Variants in GPC6 observed in about 807,000 individuals in gnomAD.
GPC6 encodes the protein glypican 6, also known as glypican-6.
In GPC6, 14 loss-of-function variants were observed where a neutral mutation model predicts 55.2. The observed-to-expected ratio is 0.25, with a 90% CI of 0.17 to 0.40. The LOEUF (loss-of-function observed/expected upper bound fraction) is 0.40. Ranked by LOEUF, GPC6 falls within the 10% of genes least tolerant of loss-of-function variation. GPC6 has a pLI of 1.00. For missense variants in GPC6, 641 were observed against 708.5 expected, an observed-to-expected ratio of 0.90 and a Z score of 1.08; for synonymous variants, 278 against 259.6, an observed-to-expected ratio of 1.07 and a Z score of -0.68.
intron 4 of GPC6, among the ~76,000 whole-genome samples, chr13:94,178,847 A>T (rs562953851): frequency 6.6e-6 from 1 of 152,314 alleles, no homozygotes; most frequent in South Asian, 2.1e-4. Context: ...AGATGAGATG[A>T]TGAATCTAAA....
chr13:93,372,780 G>A (rs532718011), intron 1 of GPC6, among the ~76,000 whole-genome samples: 5 of 152,226 alleles, frequency 3.3e-5, no homozygotes, highest in African/African-American at 1.2e-4. Flanking sequence ...CAGACATACT[G>A]TTGTTGGTAA....
intron 2 of GPC6, among the ~76,000 whole-genome samples, chr13:93,688,608 GACA>G (rs1385374910): frequency 1.3e-5 from 2 of 152,108 alleles, no homozygotes; most frequent in East Asian, 1.9e-4. Context: ...AGGAAATTAT[GACA>G]ACATCCTACA....
At chr13:93,990,418 A>T (rs1881243515) in intron 3 of GPC6, among the ~76,000 whole-genome samples, 1 of 152,152 alleles carries the variant, frequency 6.6e-6, no homozygotes, top group Non-Finnish European at 1.5e-5. Flanking sequence ...TTAGGGACTC[A>T]TCTAGGATAA....
At chr13:93,999,319 T>C (rs1881696295) in intron 3 of GPC6, among the ~76,000 whole-genome samples, 1 of 152,160 alleles carries the variant, frequency 6.6e-6, no homozygotes, top group African/African-American at 2.4e-5. Context: ...CTGAGAATGG[T>C]GGTTTCCAGC....
Position 93,391,636 on chromosome 13 carries a change from G to A in GPC6, c.161-153627G>A, listed in dbSNP as rs566380655. ...AAAACATTTAAGCATAATTCAACAT[G>A]CACTTCTTGCCATGGCTCTTTTTGA... On this transcript the variant is annotated intron_variant, in intron 1 of 8. Transcript: ENST00000377047. Among the ~76,000 whole-genome samples the A allele has an allele frequency of 4.6e-5, 7 of 152,234 alleles. No homozygotes were observed. In the South Asian group the frequency reaches 1.5e-3, roughly 32 times the overall value.
At chr13:94,373,153 G>A (rs1032153547) in intron 6 of GPC6, among the ~76,000 whole-genome samples, 15 of 152,162 alleles carry the variant, frequency 9.9e-5, no homozygotes, top group Admixed American at 6.6e-4. Context: ...AAAAAGCAGA[G>A]CGCCTCTCCT....
intron 2 of GPC6, among the ~76,000 whole-genome samples, chr13:93,812,945 A>C (rs1350231162): frequency 6.6e-6 from 1 of 152,164 alleles, no homozygotes; most frequent in Non-Finnish European, 1.5e-5. Context: ...AAGGATTGTC[A>C]CTAATTGTCA....
intron 1 of GPC6, among the ~76,000 whole-genome samples, chr13:93,442,805 T>C (rs929064449): frequency 6.6e-6 from 1 of 151,664 alleles, no homozygotes; most frequent in African/African-American, 2.4e-5. Flanking sequence ...TATATATATT[T>C]TTATTATTGA....
chr13:94,317,277 A>AT (rs1418492282), intron 6 of GPC6, among the ~76,000 whole-genome samples: 2 of 152,188 alleles, frequency 1.3e-5, no homozygotes, highest in Non-Finnish European at 2.9e-5. Context: ...ATTCTAAGGG[A>AT]TTTTGACCTC....
chr13:93,625,071 A>G (rs1377072958), intron 2 of GPC6, among the ~76,000 whole-genome samples: 1 of 152,228 alleles, frequency 6.6e-6, no homozygotes, highest in African/African-American at 2.4e-5. Context: ...CTGTAAAAAT[A>G]AGATGAAGTA....
chr13:93,251,400 C>T (rs1390717446), intron 1 of GPC6, among the ~76,000 whole-genome samples: 9 of 152,146 alleles, frequency 5.9e-5, no homozygotes, highest in Non-Finnish European at 1.3e-4. Flanking sequence ...AAGGAGCAAA[C>T]AGAATGGAAT....
At chr13:93,718,508 C>G (rs945256026) in intron 2 of GPC6, among the ~76,000 whole-genome samples, 1 of 151,922 alleles carries the variant, frequency 6.6e-6, no homozygotes, top group Non-Finnish European at 1.5e-5. Flanking sequence ...GATATTAGCC[C>G]TTTGTCAGAT....
At chr13:93,275,820 C>G (rs1414819176) in intron 1 of GPC6, among the ~76,000 whole-genome samples, 1 of 152,126 alleles carries the variant, frequency 6.6e-6, no homozygotes, top group Non-Finnish European at 1.5e-5. Flanking sequence ...GGGGGTAGGG[C>G]TTCAACATAT....
intron 3 of GPC6, among the ~76,000 whole-genome samples, chr13:93,921,270 G>A (rs530701747): frequency 6.6e-6 from 1 of 152,128 alleles, no homozygotes; most frequent in South Asian, 2.1e-4. Flanking sequence ...CCCCACAGTA[G>A]TGTCTAGAAG....
intron 4 of GPC6, among the ~76,000 whole-genome samples, chr13:94,223,466 C>T (rs571531738): frequency 5.1e-4 from 77 of 152,248 alleles, no homozygotes; most frequent in African/African-American, 1.7e-3. Flanking sequence ...TCTCACAAAA[C>T]ATAACATACC....
intron 2 of GPC6, among the ~76,000 whole-genome samples, chr13:93,742,632 C>T (rs903075558): frequency 6.6e-6 from 1 of 152,158 alleles, no homozygotes; most frequent in Non-Finnish European, 1.5e-5. Context: ...GAGGCTGACA[C>T]CTCATGTCAT....
intron 4 of GPC6, among the ~76,000 whole-genome samples, chr13:94,163,497 A>T (rs568203940): frequency 1.1e-4 from 16 of 152,356 alleles, no homozygotes; most frequent in Non-Finnish European, 2.1e-4. Flanking sequence ...AAACATTTTT[A>T]AAAATAATCC....
At chr13:94,020,836 A>T (rs560202617) in intron 3 of GPC6, among the ~76,000 whole-genome samples, 1 of 152,184 alleles carries the variant, frequency 6.6e-6, no homozygotes, top group Non-Finnish European at 1.5e-5. Context: ...AATAAAGATG[A>T]AATAAATTTA....
At chr13:94,290,455 AG>A (rs1014944089) in intron 5 of GPC6, among the ~76,000 whole-genome samples, 4 of 151,408 alleles carry the variant, frequency 2.6e-5, no homozygotes, top group Admixed American at 6.6e-5. Context: ...AAAAAGAAAA[AG>A]AAAAAAAGAA....
Sources: gnomAD v4.1 joint callset for allele counts (sites outside exome capture counted in the v4.1 genomes callset) on GRCh38, gnomAD v4.1.1 for gene constraint, MANE v1.5 for transcripts, NCBI Gene and HGNC (gene_info 2026-07-23, HGNC 2026-07-21) for gene names.